The following C3orf70 variants were observed in gnomAD, a reference collection of about 807,000 sequenced individuals.
The protein encoded by C3orf70 is chromosome 3 open reading frame 70, also known as UPF0524 protein C3orf70.
Under a neutral mutation model 20.7 loss-of-function variants are expected in C3orf70, and 15 were observed. The ratio of observed to expected loss-of-function variants is 0.72; its 90% confidence interval spans 0.48 to 1.11. C3orf70 has a LOEUF of 1.11. C3orf70 is among the 50% of genes most tolerant of loss of function. The pLI, the probability that C3orf70 is intolerant of heterozygous loss-of-function variation, is 0.00. For missense variants in C3orf70, 332 were observed against 317.6 expected (o/e 1.05, Z -0.34); for synonymous variants, 161 against 125.7 (o/e 1.28, Z -1.88).
chr3:185,104,330 G>A (rs561109844), intron 1 of C3orf70, among the ~76,000 whole-genome samples: 11 of 152,190 alleles, frequency 7.2e-5, no homozygotes, highest in Non-Finnish European at 1.5e-4. Context: ...AATAACAGGT[G>A]TTGGAGAGGT....
At position 185,080,163 on chromosome 3, in the gene C3orf70, T is replaced by C. The variant is rs981559207; in HGVS notation, c.*2844A>G. On this transcript the variant is annotated 3_prime_UTR_variant, in exon 2 of 2. Transcript: ENST00000335012. ...CATTTTGAGATCCAGGAGTGTCTGA[T>C]GCTTAGAATCCAATGGAATGTCTCT... The C allele has an allele frequency of 1.3e-5, 2 of 152,684 alleles. No homozygotes were observed. The highest frequency in any genetic ancestry group is 1.3e-4 in the Admixed American group (2 of 15,288). The allele number at this position is 152,684 out of a possible 1,614,324, so 9.5% of individuals were successfully genotyped here. A position where few individuals can be genotyped will look rare whatever the true frequency, so the allele number is the denominator to read the frequency against.
intron 1 of C3orf70, among the ~76,000 whole-genome samples, chr3:185,122,371 G>A (rs1466373999): frequency 1.3e-5 from 2 of 152,100 alleles, no homozygotes; most frequent in South Asian, 4.2e-4. Flanking sequence ...AACTGGGTTT[G>A]GATCACAATC....
intron 1 of C3orf70, among the ~76,000 whole-genome samples, chr3:185,133,093 G>A (rs758475915): frequency 2.6e-5 from 4 of 152,076 alleles, no homozygotes; most frequent in Non-Finnish European, 4.4e-5. Context: ...TTCATAATAC[G>A]AGAAATGTAA....
chr3:185,144,278 A>C (rs1337506870), intron 1 of C3orf70, among the ~76,000 whole-genome samples: 1 of 152,062 alleles, frequency 6.6e-6, no homozygotes, highest in Admixed American at 6.6e-5. Context: ...AAGACGGGTT[A>C]AGTAACTTCC....
At position 185,088,566 on chromosome 3, in the gene C3orf70, T is replaced by C. The variant is rs562875767; in HGVS notation, c.197-5003A>G. 3.9e-5 allele frequency among the ~76,000 whole-genome samples: 6 copies of C among 152,268 alleles called. No homozygotes were observed. The South Asian group carries it at 1.2e-3, about 32-fold the overall frequency. ...TGTATAATCTAAAACAACAGGGAAA[T>C]AATCACCATAGATGTGATGACACAC... On this transcript the variant is annotated intron_variant, in intron 1 of 1. Coordinates refer to ENST00000335012, the MANE Select transcript of C3orf70 (RefSeq NM_001025266.3).
chr3:185,136,518 C>T (rs189329751), intron 1 of C3orf70, among the ~76,000 whole-genome samples: 6 of 152,088 alleles, frequency 3.9e-5, no homozygotes, highest in East Asian at 1.9e-4. Flanking sequence ...GTCAGGAGAT[C>T]GAGACCATCC....
intron 1 of C3orf70, among the ~76,000 whole-genome samples, chr3:185,088,829 ATTTT>A (rs945066345): frequency 6.6e-6 from 1 of 151,994 alleles, no homozygotes; most frequent in Non-Finnish European, 1.5e-5. Flanking sequence ...TGCCAAACTG[ATTTT>A]TTTTAAACCA....
At chr3:185,120,033 A>AAAAAAAGAAAG (rs55921240) in intron 1 of C3orf70, among the ~76,000 whole-genome samples, 8 of 100,784 alleles carry the variant, frequency 7.9e-5, no homozygotes, top group African/African-American at 3.7e-4. Context: ...AAAAAAAAAA[A>AAAAAAAGAAAG]AAAAAGAAAA....
chr3:185,123,398 T>C (rs1694156036), intron 1 of C3orf70, among the ~76,000 whole-genome samples: 1 of 152,146 alleles, frequency 6.6e-6, no homozygotes, highest in African/African-American at 2.4e-5. Context: ...TCAAAACACT[T>C]AGATTGAACA....
chr3:185,139,628 G>A lies in C3orf70; in HGVS notation c.196+13000C>T, dbSNP rs115288057. 7.2e-3 allele frequency among the ~76,000 whole-genome samples: 1,099 copies of A among 152,036 alleles called. 20 individuals carry two copies. The highest frequency in any genetic ancestry group is 0.025 in the African/African-American group (1,052 of 41,466). On this transcript the variant is annotated intron_variant, in intron 1 of 1. Coordinates refer to ENST00000335012, the MANE Select transcript of C3orf70 (RefSeq NM_001025266.3). Reference sequence around the variant, plus strand: ...TAGTAGGCAAGATTGTATGGTACTGGCAGAAGAAGAGACATGAAGACCAGA... The same window carrying A: ...TAGTAGGCAAGATTGTATGGTACTGACAGAAGAAGAGACATGAAGACCAGA...
At position 185,098,428 on chromosome 3, in the gene C3orf70, G is replaced by A. The variant is rs144524838; in HGVS notation, c.197-14865C>T. ...ATGAGATCTCATGGATGGTTTCAAA[G>A]ACATTAATTAGGATTTCATTACTTT... On this transcript the variant is annotated intron_variant, in intron 1 of 1. Coordinates refer to ENST00000335012, the MANE Select transcript of C3orf70 (RefSeq NM_001025266.3). Among the ~76,000 whole-genome samples the A allele has an allele frequency of 3.3e-5, 5 of 152,294 alleles. No individual in the cohort carries two copies. In the East Asian group the frequency reaches 9.6e-4, roughly 29 times the overall value.
chr3:185,137,305 T>C (rs1716649331), intron 1 of C3orf70, among the ~76,000 whole-genome samples: 1 of 152,238 alleles, frequency 6.6e-6, no homozygotes. Flanking sequence ...CCTCTTTCTT[T>C]TGTAAATTGC....
chr3:185,087,437 G>T (rs1052404512), intron 1 of C3orf70, among the ~76,000 whole-genome samples: 2 of 152,186 alleles, frequency 1.3e-5, no homozygotes, highest in African/African-American at 4.8e-5. Context: ...CATGATGGAT[G>T]AACAGATAAA....
At chr3:185,139,312 G>C (rs1470414343) in intron 1 of C3orf70, among the ~76,000 whole-genome samples, 1 of 151,598 alleles carries the variant, frequency 6.6e-6, no homozygotes, top group Non-Finnish European at 1.5e-5. Context: ...CAGCACTTTG[G>C]GAGGCCAAGG....
intron 1 of C3orf70, among the ~76,000 whole-genome samples, chr3:185,124,218 C>T (rs981796100): frequency 1.3e-5 from 2 of 152,140 alleles, no homozygotes; most frequent in African/African-American, 4.8e-5. Flanking sequence ...TTTTGGTATC[C>T]ACGGGGGGAT....
chr3:185,146,508 G>A (rs944165881), intron 1 of C3orf70, among the ~76,000 whole-genome samples: 18 of 151,878 alleles, frequency 1.2e-4, no homozygotes, highest in Admixed American at 7.2e-4. Context: ...GGCTGGTCTC[G>A]AACTCCTGAC....
chr3:185,091,957 ATATATATTTT>A (rs1715597483), intron 1 of C3orf70, among the ~76,000 whole-genome samples: 7 of 7,034 alleles, frequency 1.0e-3, no homozygotes, highest in South Asian at 4.7e-3. Context: ...ATATATATAT[ATATATATTTT>A]TTTTTTTTTT....
At chr3:185,089,222 G>A (rs115866693) in intron 1 of C3orf70, among the ~76,000 whole-genome samples, 3,669 of 151,864 alleles carry the variant, frequency 0.024, 121 homozygotes, top group African/African-American at 0.083. Context: ...GTTGACACAA[G>A]CACCAAAAGC....
chr3:185,083,459 G>A lies in C3orf70; in HGVS notation c.301C>T (p.Leu101Phe). 2 of 1,614,132 alleles carry A rather than the reference G, an allele frequency of 1.2e-6. No individual in the cohort carries two copies. The highest frequency in any genetic ancestry group is 1.7e-6 in the Non-Finnish European group (2 of 1,180,042). ...PTNTIQISVS[L>F]TEHFLKFASV... Reference sequence around the variant, plus strand: ...GCAAATTTCAAAAAGTGTTCGGTGAGCGAGACTGAGATCTGAATGGTGTTT... The same window carrying A: ...GCAAATTTCAAAAAGTGTTCGGTGAACGAGACTGAGATCTGAATGGTGTTT... Residue 101 changes from leucine (L) to phenylalanine (F), a missense_variant, in exon 2 of 2, where the codon CTC becomes TTC. Coordinates refer to ENST00000335012, the MANE Select transcript of C3orf70 (RefSeq NM_001025266.3).
Sources: allele counts gnomAD v4.1 joint callset (sites outside exome capture counted in the v4.1 genomes callset), GRCh38; gene constraint gnomAD v4.1.1; transcripts MANE v1.5; gene names NCBI Gene and HGNC (gene_info 2026-07-23, HGNC 2026-07-21).